Variants in TRAF1 observed in about 807,000 individuals in gnomAD.
The protein encoded by TRAF1 is TNF receptor associated factor 1.
Under a neutral mutation model 40.9 loss-of-function variants are expected in TRAF1, and 23 were observed. The ratio of observed to expected loss-of-function variants is 0.56; its 90% CI spans 0.40 to 0.80. The LOEUF (loss-of-function observed/expected upper bound fraction) is 0.80. Ranked by LOEUF, TRAF1 falls within the 30% of genes least tolerant of loss-of-function variation. The pLI is 0.00. For synonymous variants in TRAF1, 206 were observed against 218.8 expected (o/e 0.94, Z 0.52); for missense variants, 477 against 528.7 (o/e 0.90, Z 0.96).
chr9:120,918,961 G>A (rs538053943), intron 3 of TRAF1, among the ~76,000 whole-genome samples: 2 of 152,322 alleles, frequency 1.3e-5, no homozygotes, highest in East Asian at 1.9e-4. Flanking sequence ...CGAAGCCCAG[G>A]GGCGATCAGT....
At chr9:120,922,281 G>T (rs1000623540) in intron 3 of TRAF1, among the ~76,000 whole-genome samples, 2 of 152,186 alleles carry the variant, frequency 1.3e-5, no homozygotes, top group African/African-American at 4.8e-5. Context: ...TTAACAAAGA[G>T]ATTGTCATCT....
intron 5 of TRAF1, among the ~76,000 whole-genome samples, chr9:120,912,384 C>T (rs1352797221): frequency 3.3e-5 from 5 of 152,160 alleles, no homozygotes; most frequent in East Asian, 1.9e-4. Context: ...AGGCCAGGCG[C>T]GGTGGCTTAT....
At chr9:120,924,216 CAT>C (rs540909168) in intron 2 of TRAF1, among the ~76,000 whole-genome samples, 48 of 152,270 alleles carry the variant, frequency 3.2e-4, no homozygotes, top group African/African-American at 1.1e-3. Context: ...AGATTGCTGA[CAT>C]GTGACTATAT....
At position 120,902,615 on chromosome 9, in the gene TRAF1, CAGCCAAG is replaced by C. The variant is rs1825261386; in HGVS notation, c.*2398_*2404del. The C allele has an allele frequency of 6.6e-6, 1 of 152,154 alleles. No individual in the cohort carries two copies. The highest frequency in any genetic ancestry group is 6.6e-5 in the Admixed American group (1 of 15,260). 9.4% of individuals were successfully genotyped at this position (152,154 alleles called of 1,614,324 possible). A position where few individuals can be genotyped will look rare whatever the true frequency, so the allele number is the denominator to read the frequency against. ...CATCCTGCCACACAGACCCTGCCCT[CAGCCAAG>C]ACAGCTCTCCGTTTTCAAGTCGGTA... On this transcript the variant is annotated 3_prime_UTR_variant, in exon 8 of 8. Coordinates refer to ENST00000373887, the MANE Select transcript of TRAF1 (RefSeq NM_005658.5).
chr9:120,907,584 C>T (rs1020237780), intron 7 of TRAF1, among the ~76,000 whole-genome samples: 1 of 152,226 alleles, frequency 6.6e-6, no homozygotes, highest in African/African-American at 2.4e-5. Flanking sequence ...ATTTTGCATT[C>T]CCACCAGAAA....
At chr9:120,907,151 T>C (rs1453837141) in intron 7 of TRAF1, among the ~76,000 whole-genome samples, 3 of 152,342 alleles carry the variant, frequency 2.0e-5, no homozygotes, top group East Asian at 1.9e-4. Flanking sequence ...CGAGAGCCTC[T>C]GTGCCCGGCC....
At chr9:120,905,388 A>C (rs1447931462) in intron 7 of TRAF1, 150 bp from the exon 8 acceptor site, 3 of 888,848 alleles carry the variant, frequency 3.4e-6, no homozygotes, top group African/African-American at 1.7e-5. Context: ...AGAGAAACCA[A>C]GTAAGGAGCG....
At chr9:120,920,419 C>G (rs1170810141) in intron 3 of TRAF1, among the ~76,000 whole-genome samples, 6 of 151,730 alleles carry the variant, frequency 4.0e-5, no homozygotes, top group Non-Finnish European at 8.8e-5. Context: ...GACTAGACAG[C>G]TTAAACCCTT....
At chr9:120,911,727 C>T (rs10985089) in intron 5 of TRAF1, among the ~76,000 whole-genome samples, 8,894 of 152,222 alleles carry the variant, frequency 0.058, 759 homozygotes, top group African/African-American at 0.19. Flanking sequence ...TCTGGGAAGC[C>T]TTCAACCACT....
At position 120,904,958 on chromosome 9, in the gene TRAF1, G is replaced by A. The variant is rs2046467825; in HGVS notation, c.*62C>T. The A allele has an allele frequency of 6.6e-7, 1 of 1,508,680 alleles. No homozygotes were observed. The highest frequency in any genetic ancestry group is 2.3e-5 in the East Asian group (1 of 42,682). The allele number at this position is 1,508,680 out of a possible 1,614,324, so 93.5% of individuals were successfully genotyped here. A position where few individuals can be genotyped will look rare whatever the true frequency, so the allele number is the denominator to read the frequency against. On this transcript the variant is annotated 3_prime_UTR_variant, in exon 8 of 8. Coordinates refer to ENST00000373887, the MANE Select transcript of TRAF1 (RefSeq NM_005658.5). ...TGAGGTCTTGGGTGCCAAGGGCAGG[G>A]CATCACAGTCCTCTGGCTAGCTCCC...
chr9:120,911,603 A>T (rs2046528010), intron 5 of TRAF1, 90 bp from the exon 6 acceptor site: 1 of 1,481,628 alleles, frequency 6.7e-7, no homozygotes, highest in African/African-American at 1.4e-5. Context: ...TCTGCCCCAG[A>T]TGTGTTTTGC....
Position 120,914,250 on chromosome 9 carries a change from G to T in TRAF1, c.279C>A (p.Val93=). 6.5e-7 allele frequency: 1 copy of T among 1,539,166 alleles called. No homozygotes were observed. The highest frequency in any genetic ancestry group is 1.2e-5 in the South Asian group (1 of 80,908). The change falls in exon 4 of 8, where the codon GTC becomes GTA. Residue 93 remains valine, a synonymous_variant. Coordinates refer to ENST00000373887, the MANE Select transcript of TRAF1 (RefSeq NM_005658.5). ...EAGIGCPFAG[V]GCSFKGSPQS... is the part of the protein sequence containing the mutation. ...AGATGCTTACCTTGAAGGAGCAGCC[G>T]ACACCTGCAAAGGGGCACCCAATTC... is the stretch of plus-strand genomic sequence containing the variant.
chr9:120,907,106 C>A lies in TRAF1; in HGVS notation c.1033-1868G>T, dbSNP rs149330671. ...CGAACTCCTGGGCTCAAGCGCTCCA[C>A]CTGCCTCGGCCTCCCAAAGTGCTGA... On this transcript the variant is annotated intron_variant, in intron 7 of 7. Transcript: ENST00000373887. Among the ~76,000 whole-genome samples the A allele has an allele frequency of 2.0e-5, 3 of 152,334 alleles. No homozygotes were observed. In the East Asian group the frequency reaches 5.8e-4, roughly 29 times the overall value.
Position 120,903,973 on chromosome 9 carries a change from T to A in TRAF1, c.*1047A>T, listed in dbSNP as rs890459510. On this transcript the variant is annotated 3_prime_UTR_variant, in exon 8 of 8. Coordinates refer to ENST00000373887, the MANE Select transcript of TRAF1 (RefSeq NM_005658.5). ...CACTTTAGGAAAACTTCGAAAGAGA[T>A]TCTAAAAATTATTTCTTTGGGGTTA... The A allele has an allele frequency of 6.6e-6, 1 of 152,148 alleles. No individual in the cohort carries two copies. Among genetic ancestry groups the A allele is most frequent in the African/African-American group, 2.4e-5 (1 of 41,422 alleles). 9.4% of individuals were successfully genotyped at this position (152,148 alleles called of 1,614,324 possible).
intron 3 of TRAF1, among the ~76,000 whole-genome samples, chr9:120,915,997 T>C (rs752818606): frequency 6.6e-6 from 1 of 152,196 alleles, no homozygotes; most frequent in Non-Finnish European, 1.5e-5. Flanking sequence ...AAGTAAAACA[T>C]ATGTCTGCAC....
At chr9:120,905,783 T>C (rs1267212525) in intron 7 of TRAF1, among the ~76,000 whole-genome samples, 2 of 152,160 alleles carry the variant, frequency 1.3e-5, no homozygotes, top group Non-Finnish European at 2.9e-5. Flanking sequence ...GAGAAGCCGA[T>C]TGTCTAAAAG....
chr9:120,908,110 AT>A (rs1193403621), intron 7 of TRAF1, among the ~76,000 whole-genome samples: 3 of 151,802 alleles, frequency 2.0e-5, no homozygotes, highest in African/African-American at 7.2e-5. Flanking sequence ...TCAATAAAAT[AT>A]TTTTAATGCC....
chr9:120,903,092 C>T lies in TRAF1; in HGVS notation c.*1928G>A, dbSNP rs1343507740. The T allele has an allele frequency of 6.6e-6, 1 of 152,200 alleles. No homozygotes were observed. The highest frequency in any genetic ancestry group is 6.5e-5 in the Admixed American group (1 of 15,278). The allele number at this position is 152,200 out of a possible 1,614,324, so 9.4% of individuals were successfully genotyped here. On this transcript the variant is annotated 3_prime_UTR_variant, in exon 8 of 8. Transcript: ENST00000373887. ...ATTGCTAGGACATCAGTTTCAGGGCCTAGACCCATCACTCGCTAGGCCAGA... is the reference window on the plus strand; with the variant it reads ...ATTGCTAGGACATCAGTTTCAGGGCTTAGACCCATCACTCGCTAGGCCAGA...
In TRAF1 at chr9:120,926,086, C is replaced by T; in HGVS notation, c.-11G>A. 2 of 1,562,132 alleles carry T rather than the reference C, an allele frequency of 1.3e-6. No individual in the cohort carries two copies. The highest frequency in any genetic ancestry group is 2.3e-5 in the East Asian group (1 of 43,858). On this transcript the variant is annotated 5_prime_UTR_variant, in exon 2 of 8. Transcript: ENST00000373887. ...TGAGCTGGAGGCCATCTCAGGGTTC[C>T]AGGCTGGCCAGAGGGCCTGTTTAAG...
Sources: allele counts gnomAD v4.1 joint callset (sites outside exome capture counted in the v4.1 genomes callset), GRCh38; gene constraint gnomAD v4.1.1; transcripts MANE v1.5; gene names NCBI Gene and HGNC (gene_info 2026-07-23, HGNC 2026-07-21).